The following DCDC2C variants were observed in gnomAD, a reference collection of about 807,000 sequenced individuals.
DCDC2C encodes the protein doublecortin domain containing 2C.
Under a neutral mutation model 45.0 loss-of-function variants are expected in DCDC2C, and 44 were observed. The ratio of observed to expected loss-of-function variants is 0.98; its 90% confidence interval spans 0.77 to 1.26. DCDC2C has a LOEUF of 1.26. Ranked by LOEUF, DCDC2C falls within the 50% of genes most tolerant of loss-of-function variation. The probability of loss-of-function intolerance (pLI) is 0.00; values close to 1 mark genes in which losing one functional copy is unlikely to be tolerated. For synonymous variants in DCDC2C, 187 were observed against 178.8 expected (o/e 1.05, Z -0.37); for missense variants, 447 against 468.9 (o/e 0.95, Z 0.43).
chr2:3,716,836 T>G (rs1443208880), intron 2 of DCDC2C, among the ~76,000 whole-genome samples: 1 of 152,190 alleles, frequency 6.6e-6, no homozygotes, highest in Admixed American at 6.5e-5. Flanking sequence ...TTAGCATATT[T>G]TCAAGGTTCA....
Position 3,761,361 on chromosome 2 carries a change from T to C in DCDC2C, c.727-6393T>C, listed in dbSNP as rs1669876929. 6.6e-6 allele frequency among the ~76,000 whole-genome samples: 1 copy of C among 152,108 alleles called. No homozygotes were observed. The highest frequency in any genetic ancestry group is 2.4e-5 in the African/African-American group (1 of 41,426). ...GGTAATGAAAAGGAGATAAAGCATATAAATTAAGGAGGTGCGTGTGTGTGT... is the reference window on the plus strand; with the variant it reads ...GGTAATGAAAAGGAGATAAAGCATACAAATTAAGGAGGTGCGTGTGTGTGT... On this transcript the variant is annotated intron_variant, in intron 6 of 10. Coordinates refer to ENST00000399143, the MANE Select transcript of DCDC2C (RefSeq NM_001287444.2). The surrounding 1 kb of genome is among the most constrained non-coding windows in gnomAD (Gnocchi z 4.3).
intron 10 of DCDC2C, among the ~76,000 whole-genome samples, chr2:3,786,802 G>A (rs940289666): frequency 1.3e-5 from 2 of 152,250 alleles, no homozygotes; most frequent in Non-Finnish European, 2.9e-5. Context: ...AACTTGCTAG[G>A]TGTCCTTTGT....
chr2:3,738,541 A>G (rs796157968), intron 3 of DCDC2C, among the ~76,000 whole-genome samples: 15 of 103,870 alleles, frequency 1.4e-4, no homozygotes, highest in African/African-American at 2.1e-4. Flanking sequence ...TCTATCTGGG[A>G]AAAAAAAAAA....
At chr2:3,737,460 C>T (rs1242701686) in intron 3 of DCDC2C, among the ~76,000 whole-genome samples, 3 of 152,178 alleles carry the variant, frequency 2.0e-5, no homozygotes, top group Non-Finnish European at 2.9e-5. Context: ...GAAACAAAAA[C>T]GACCCTGGCT....
chr2:3,769,201 C>T (rs78928041), intron 7 of DCDC2C, 110 bp from the exon 8 acceptor site: 23,581 of 1,043,432 alleles, frequency 0.023, 376 homozygotes, highest in Non-Finnish European at 0.026. Context: ...GTGGCCTGCC[C>T]GAAGCTCCAG....
At chr2:3,768,334 A>AT (rs1670069047) in intron 7 of DCDC2C, among the ~76,000 whole-genome samples, 1 of 152,038 alleles carries the variant, frequency 6.6e-6, no homozygotes, top group African/African-American at 2.4e-5. Context: ...TCTGACATCT[A>AT]TTTTTACCAC....
At chr2:3,786,122 G>A (rs1048370197) in intron 10 of DCDC2C, among the ~76,000 whole-genome samples, 1 of 152,254 alleles carries the variant, frequency 6.6e-6, no homozygotes, top group Non-Finnish European at 1.5e-5. Flanking sequence ...AGGGGAACAC[G>A]TGTGAGCTGC....
chr2:3,754,622 G>A lies in DCDC2C; in HGVS notation c.714G>A (p.Gln238=), dbSNP rs1198470370. The A allele has an allele frequency of 1.3e-6, 2 of 1,549,214 alleles. No individual in the cohort carries two copies. Among genetic ancestry groups the A allele is most frequent in the Non-Finnish European group, 1.7e-6 (2 of 1,146,612 alleles). Residue 238 remains glutamine, a synonymous_variant, in exon 6 of 11, where the codon CAG becomes CAA. Transcript: ENST00000399143. The part of the protein sequence containing the change: ...QRYANVEKNS[Q]RKKKVDSKGK... Reference sequence around the variant, plus strand: ...ATGCGAATGTTGAAAAAAACTCACAGAGAAAGAAAAAAGTAAGTAACTTTT... The same window carrying A: ...ATGCGAATGTTGAAAAAAACTCACAAAGAAAGAAAAAAGTAAGTAACTTTT...
chr2:3,703,973 G>T lies in DCDC2C; in HGVS notation c.222G>T (p.Gly74=). The T allele has an allele frequency of 7.7e-7, 1 of 1,303,664 alleles. No homozygotes were observed. Among genetic ancestry groups the T allele is most frequent in the South Asian group, 2.2e-5 (1 of 45,722 alleles). The allele number at this position is 1,303,664 out of a possible 1,614,324, so 80.8% of individuals were successfully genotyped here. A position where few individuals can be genotyped will look rare whatever the true frequency, so the allele number is the denominator to read the frequency against. The change falls in exon 1 of 11, where the codon GGG becomes GGT. Residue 74 remains glycine, a synonymous_variant. Transcript: ENST00000399143. The surrounding 1 kb of genome is among the most constrained non-coding windows in gnomAD (Gnocchi z 4.4). ...FTPTRGHRVL[G]LDALQAGGKY... is the part of the protein sequence containing the mutation. ...CCACGCGTGGGCACCGGGTGCTGGG[G>T]CTGGACGCGCTGCAGGCGGGCGGCA... is the stretch of plus-strand genomic sequence containing the variant.
chr2:3,815,111 TA>T (rs1671521297), intron 10 of DCDC2C, among the ~76,000 whole-genome samples: 1 of 152,242 alleles, frequency 6.6e-6, no homozygotes, highest in African/African-American at 2.4e-5. Context: ...GAGAGGCTGT[TA>T]AGAGTACATG....
chr2:3,759,167 C>T (rs1327333563), intron 6 of DCDC2C, among the ~76,000 whole-genome samples: 1 of 152,214 alleles, frequency 6.6e-6, no homozygotes. Flanking sequence ...ACGCTGCATG[C>T]AGAAGCACTG....
chr2:3,808,424 G>A (rs887549288), intron 10 of DCDC2C, among the ~76,000 whole-genome samples: 5 of 151,542 alleles, frequency 3.3e-5, no homozygotes, highest in African/African-American at 9.7e-5. Flanking sequence ...ATTGGTTCTC[G>A]CTCTGTTACC....
At chr2:3,755,956 A>T (rs796776543) in intron 6 of DCDC2C, among the ~76,000 whole-genome samples, 6 of 152,174 alleles carry the variant, frequency 3.9e-5, no homozygotes, top group African/African-American at 1.4e-4. Flanking sequence ...GTATAGAGGC[A>T]TATGTTTTTG....
chr2:3,709,779 C>T (rs907429954), intron 2 of DCDC2C, among the ~76,000 whole-genome samples: 5 of 152,130 alleles, frequency 3.3e-5, no homozygotes, highest in Admixed American at 6.5e-5. Flanking sequence ...GTTTGAGTCT[C>T]GGTTCATCCT....
intron 6 of DCDC2C, among the ~76,000 whole-genome samples, chr2:3,764,374 C>T (rs147867210): frequency 3.7e-4 from 56 of 152,242 alleles, no homozygotes; most frequent in African/African-American, 1.2e-3. Context: ...TTGTAATTTG[C>T]GCTGTTTAAG....
At chr2:3,813,732 C>CTTTTTTTTTTT (rs3067128) in intron 10 of DCDC2C, among the ~76,000 whole-genome samples, 4 of 99,168 alleles carry the variant, frequency 4.0e-5, no homozygotes, top group African/African-American at 1.7e-4. Context: ...GCAACCCCTG[C>CTTTTTTTTTTT]TTTTTTTTTT....
chr2:3,708,044 C>T (rs1055780458), intron 1 of DCDC2C, among the ~76,000 whole-genome samples: 4 of 152,110 alleles, frequency 2.6e-5, no homozygotes, highest in Non-Finnish European at 5.9e-5. Context: ...TAGTAGGGCT[C>T]AGACACATTT....
chr2:3,759,019 C>T (rs751482907), intron 6 of DCDC2C, among the ~76,000 whole-genome samples: 19 of 152,198 alleles, frequency 1.2e-4, no homozygotes, highest in African/African-American at 4.3e-4. Flanking sequence ...CAACCACACT[C>T]GCATGTGTTT....
intron 8 of DCDC2C, among the ~76,000 whole-genome samples, chr2:3,770,214 G>A (rs1670127163): frequency 6.6e-6 from 1 of 152,192 alleles, no homozygotes; most frequent in Non-Finnish European, 1.5e-5. Flanking sequence ...GTCAATATTA[G>A]CATTAGAGTT....
Sources: allele counts gnomAD v4.1 joint callset (sites outside exome capture counted in the v4.1 genomes callset), GRCh38; gene constraint gnomAD v4.1.1; non-coding constraint Gnocchi (gnomAD v3.1); transcripts MANE v1.5; gene names NCBI Gene and HGNC (gene_info 2026-07-23, HGNC 2026-07-21).